Variants in OR9Q2 observed in about 807,000 individuals in gnomAD.
The protein encoded by OR9Q2 is olfactory receptor 9Q2.
In OR9Q2, 2 loss-of-function variants were observed where a neutral mutation model predicts 2.3. The observed-to-expected ratio is 0.85, with a 90% CI of 0.35 to 2.68. The LOEUF is 2.68. Ranked by LOEUF, OR9Q2 falls within the 30% of genes most tolerant of loss-of-function variation. The pLI is 0.10. For synonymous variants in OR9Q2, 178 were observed against 158.6 expected (o/e 1.12, Z -0.92); for missense variants, 404 against 395.7 (o/e 1.02, Z -0.18).
In OR9Q2 at chr11:58,190,974, A is replaced by G. The variant is rs1204682699; in HGVS notation, c.484A>G (p.Thr162Ala). 2.5e-6 allele frequency: 4 copies of G among 1,614,106 alleles called. No individual in the cohort carries two copies. The highest frequency in any genetic ancestry group is 1.1e-5 in the South Asian group (1 of 91,088). ...TTTCAGTGCCTTTGTTCGAACGGTC[A>G]CAGCCTTCACTCTCTCCTTTTGTGG... is the stretch of plus-strand genomic sequence containing the variant. ...GFFSAFVRTV[T>A]AFTLSFCGNN... Residue 162 changes from threonine (T) to alanine (A), a missense_variant, in exon 2 of 2, where the codon ACA becomes GCA. Coordinates refer to ENST00000641291, the MANE Select transcript of OR9Q2 (RefSeq NM_001005283.3).
chr11:58,190,547 A>G lies in OR9Q2; in HGVS notation c.57A>G (p.Glu19=). The G allele has an allele frequency of 4.3e-6, 7 of 1,614,116 alleles. No homozygotes were observed. The highest frequency in any genetic ancestry group is 1.3e-5 in the African/African-American group (1 of 75,020). ...VTEFFLTAFT[E]HLQWRVPLFL... is the part of the protein sequence containing the mutation. ...AGTTCTTCCTTACTGCATTTACTGAACATCTCCAGTGGAGGGTTCCTCTCT... is the reference window on the plus strand; with the variant it reads ...AGTTCTTCCTTACTGCATTTACTGAGCATCTCCAGTGGAGGGTTCCTCTCT... Residue 19 remains glutamate (E), a synonymous_variant, in exon 2 of 2, where the codon GAA becomes GAG. Transcript: ENST00000641291.
Position 58,190,602 on chromosome 11 carries a change from A to G in OR9Q2, c.112A>G (p.Thr38Ala). Residue 38 changes from threonine (T) to alanine (A), a missense_variant, in exon 2 of 2, where the codon ACT (threonine) becomes GCT (alanine). Physicochemically the swap from Thr to Ala is moderately conservative, Grantham distance 58. Transcript: ENST00000641291. ...FLIFLSFYLA[T>A]MLGNTGMILL... The stretch of plus-strand genomic sequence containing the variant: ...CATATTTTTGAGTTTCTATCTTGCC[A>G]CTATGTTAGGGAACACAGGCATGAT... 1 of 1,614,070 alleles carries G rather than the reference A, an allele frequency of 6.2e-7. No homozygotes were observed. The highest frequency in any genetic ancestry group is 8.5e-7 in the Non-Finnish European group (1 of 1,179,998).
rs142991971 is a variant in OR9Q2 at position 58,190,755 on chromosome 11, G to C, written c.265G>C (p.Gly89Arg). The change falls in exon 2 of 2, where the codon GGC becomes CGC. Residue 89 changes from glycine (G) to arginine (R), a missense_variant. By Grantham distance (125) the Gly-to-Arg change is moderately radical. Transcript: ENST00000641291. ...PQMLAVLWEHGTTISQARCAA... is the reference protein window; with the variant it reads ...PQMLAVLWEHRTTISQARCAA... ...GATGCTGGCTGTGCTGTGGGAGCAC[G>C]GCACAACCATCTCCCAGGCTCGCTG... 6 of 1,614,108 alleles carry C rather than the reference G, an allele frequency of 3.7e-6. No individual in the cohort carries two copies. Among genetic ancestry groups the C allele is most frequent in the African/African-American group, 1.3e-5 (1 of 75,012 alleles).
chr11:58,190,756 G>A lies in OR9Q2; in HGVS notation c.266G>A (p.Gly89Asp), dbSNP rs769277971. 6.8e-6 allele frequency: 11 copies of A among 1,614,036 alleles called. No homozygotes were observed. In the South Asian group the frequency reaches 9.9e-5, roughly 14 times the overall value. The change falls in exon 2 of 2, where the codon GGC becomes GAC. Residue 89 changes from glycine to aspartate, a missense_variant. By Grantham distance (94) the Gly-to-Asp change is moderately conservative (BLOSUM62 -1). Transcript: ENST00000641291. ...PQMLAVLWEH[G>D]TTISQARCAA... ...ATGCTGGCTGTGCTGTGGGAGCACGGCACAACCATCTCCCAGGCTCGCTGT... is the reference window on the plus strand; with the variant it reads ...ATGCTGGCTGTGCTGTGGGAGCACGACACAACCATCTCCCAGGCTCGCTGT...
chr11:58,191,332 T>A lies in OR9Q2; in HGVS notation c.842T>A (p.Val281Glu). Residue 281 changes from valine (V) to glutamate (E), a missense_variant, in exon 2 of 2, where the codon GTG becomes GAG. Val to Glu is a moderately radical substitution (Grantham distance 121). Coordinates refer to ENST00000641291, the MANE Select transcript of OR9Q2 (RefSeq NM_001005283.3). ...GTGGTGTCTGTGCTCTACACGGTGG[T>A]GACCCCAATGCTGAATCCCCTTATC... The part of the protein sequence containing the change: ...DRVVSVLYTV[V>E]TPMLNPLIYS... The A allele has an allele frequency of 6.2e-7, 1 of 1,614,114 alleles. No homozygotes were observed. Among genetic ancestry groups the A allele is most frequent in the Non-Finnish European group, 8.5e-7 (1 of 1,180,016 alleles).
At chr11:58,190,201 C>G (rs2120002868) in intron 1 of OR9Q2, 118 bp from the exon 2 acceptor site, 1 of 380,842 alleles carries the variant, frequency 2.6e-6, no homozygotes, top group South Asian at 5.2e-5. Context: ...TGTGTAAGAT[C>G]AAACAGCTAA....
chr11:58,191,116 C>A lies in OR9Q2; in HGVS notation c.626C>A (p.Ala209Asp). Residue 209 changes from alanine to aspartate, a missense_variant, in exon 2 of 2, where the codon GCC becomes GAC. Physicochemically the swap from Ala to Asp is moderately radical, Grantham distance 126. Coordinates refer to ENST00000641291, the MANE Select transcript of OR9Q2 (RefSeq NM_001005283.3). ...IIVFALFVMPACILVILVSYL... is the reference protein window; with the variant it reads ...IIVFALFVMPDCILVILVSYL... ...GTGTTTGCTCTTTTCGTCATGCCTG[C>A]CTGTATCTTGGTGATCTTGGTATCC... 6.2e-7 allele frequency: 1 copy of A among 1,614,204 alleles called. No individual in the cohort carries two copies. Among genetic ancestry groups the A allele is most frequent in the Non-Finnish European group, 8.5e-7 (1 of 1,180,048 alleles).
rs1001125231 is a variant in OR9Q2 at position 58,191,424 on chromosome 11, A to G, written c.934A>G (p.Arg312Gly). Residue 312 changes from arginine to glycine, a missense_variant, in exon 2 of 2, where the codon AGA (arginine) becomes GGA (glycine). Arg to Gly is a moderately radical substitution (Grantham distance 125). Transcript: ENST00000641291. ...AGCCCTGAGCAAATCAAAGCCTGCT[A>G]GAAGACCCTAAATGGACCCTTGTGA... is the stretch of plus-strand genomic sequence containing the variant. ...RKALSKSKPA[R>G]RP 4 of 1,594,266 alleles carry G rather than the reference A, an allele frequency of 2.5e-6. No individual in the cohort carries two copies. The highest frequency in any genetic ancestry group is 2.7e-5 in the African/African-American group (2 of 73,898).
rs1336332686 is a variant in OR9Q2, at chr11:58,190,580, A to G, written c.90A>G (p.Ile30Met). ...HLQWRVPLFL[I>M]FLSFYLATML... Reference sequence around the variant, plus strand: ...AGTGGAGGGTTCCTCTCTTCCTCATATTTTTGAGTTTCTATCTTGCCACTA... The same window carrying G: ...AGTGGAGGGTTCCTCTCTTCCTCATGTTTTTGAGTTTCTATCTTGCCACTA... The change falls in exon 2 of 2, where the codon ATA becomes ATG. Residue 30 changes from isoleucine (I) to methionine (M), a missense_variant. Coordinates refer to ENST00000641291, the MANE Select transcript of OR9Q2 (RefSeq NM_001005283.3). 6.2e-7 allele frequency: 1 copy of G among 1,613,842 alleles called. No homozygotes were observed. Among genetic ancestry groups the G allele is most frequent in the Non-Finnish European group, 8.5e-7 (1 of 1,179,992 alleles).
intron 1 of OR9Q2, among the ~76,000 whole-genome samples, chr11:58,189,384 T>G (rs1267891208): frequency 6.6e-6 from 1 of 152,154 alleles, no homozygotes; most frequent in African/African-American, 2.4e-5. Flanking sequence ...TCCTTTGGCT[T>G]GGCAGGTGAT....
Position 58,190,437 on chromosome 11 carries a change from G to C in OR9Q2, c.-54G>C, listed in dbSNP as rs531555624. On this transcript the variant is annotated 5_prime_UTR_variant, in exon 2 of 2. Coordinates refer to ENST00000641291, the MANE Select transcript of OR9Q2 (RefSeq NM_001005283.3). The stretch of plus-strand genomic sequence containing the variant: ...TTGAAATCATTTGAACTCCTCTTGA[G>C]CTGTCCCCTCATCTGGCTCTTGTCT... 15 of 1,227,790 alleles carry C rather than the reference G, an allele frequency of 1.2e-5. No individual in the cohort carries two copies. Among genetic ancestry groups the C allele is most frequent in the Non-Finnish European group, 1.7e-5 (14 of 843,358 alleles). The allele number at this position is 1,227,790 out of a possible 1,614,324, so 76.1% of individuals were successfully genotyped here. A position where few individuals can be genotyped will look rare whatever the true frequency, so the allele number is the denominator to read the frequency against.
Position 58,191,482 on chromosome 11 carries a change from T to C in OR9Q2, c.*47T>C. 1.4e-6 allele frequency: 2 copies of C among 1,385,100 alleles called. No individual in the cohort carries two copies. Among genetic ancestry groups the C allele is most frequent in the Non-Finnish European group, 2.0e-6 (2 of 1,014,818 alleles). 85.8% of individuals were successfully genotyped at this position (1,385,100 alleles called of 1,614,324 possible). A position where few individuals can be genotyped will look rare whatever the true frequency, so the allele number is the denominator to read the frequency against. On this transcript the variant is annotated 3_prime_UTR_variant, in exon 2 of 2. Coordinates refer to ENST00000641291, the MANE Select transcript of OR9Q2 (RefSeq NM_001005283.3). ...CATTCCTTAGTTTCCCCATCTTTTC[T>C]GTCTTTTCTCAATAGCACCTTCTGG...
rs1590633498 is a variant in OR9Q2 at position 58,191,221 on chromosome 11, A to G, written c.731A>G (p.His244Arg). The change falls in exon 2 of 2, where the codon CAC becomes CGC. Residue 244 changes from histidine to arginine, a missense_variant. His to Arg is a conservative substitution (Grantham distance 29). Transcript: ENST00000641291. ...AAGACCTTCTCCACCTGCGCCTCCC[A>G]CCTCACTGCCGTCGCTCTTTTCTTT... Reference protein sequence around the residue: ...RAKTFSTCASHLTAVALFFGT... With the variant: ...RAKTFSTCASRLTAVALFFGT... The G allele has an allele frequency of 6.2e-7, 1 of 1,613,538 alleles. No homozygotes were observed. The highest frequency in any genetic ancestry group is 1.1e-5 in the South Asian group (1 of 91,036).
At chr11:58,189,938 G>C (rs1854742205) in intron 1 of OR9Q2, among the ~76,000 whole-genome samples, 2 of 152,136 alleles carry the variant, frequency 1.3e-5, no homozygotes, top group African/African-American at 4.8e-5. Flanking sequence ...ATTCCTACAA[G>C]CAGAGCCCAT....
At position 58,190,855 on chromosome 11, in the gene OR9Q2, G is replaced by T. The variant is rs777177506; in HGVS notation, c.365G>T (p.Arg122Leu). 2 of 1,614,018 alleles carry T rather than the reference G, an allele frequency of 1.2e-6. No homozygotes were observed. Among genetic ancestry groups the T allele is most frequent in the African/African-American group, 1.3e-5 (1 of 74,902 alleles). ...CTTCTGGCCATCATGGCCTATGACCGCTACACGGCCGTGTGCCAGCCCCTG... is the reference window on the plus strand; with the variant it reads ...CTTCTGGCCATCATGGCCTATGACCTCTACACGGCCGTGTGCCAGCCCCTG... ...CYLLAIMAYDRYTAVCQPLLY... is the reference protein window; with the variant it reads ...CYLLAIMAYDLYTAVCQPLLY... Residue 122 changes from arginine (R) to leucine (L), a missense_variant, in exon 2 of 2, where the codon CGC becomes CTC. Transcript: ENST00000641291.
At position 58,191,304 on chromosome 11, in the gene OR9Q2, C is replaced by T. The variant is rs757826869; in HGVS notation, c.814C>T (p.Arg272Ter). The change falls in exon 2 of 2, where the codon CGA (arginine) becomes TGA (stop). Residue 272 changes from arginine (R) to a stop codon, truncating the protein, a stop_gained. Coordinates refer to ENST00000641291, the MANE Select transcript of OR9Q2 (RefSeq NM_001005283.3). LOFTEE classifies it high-confidence loss of function. Reference sequence around the variant, plus strand: ...CACAGGCCAGTCCTCCGAGGGAGACCGAGTGGTGTCTGTGCTCTACACGGT... The same window carrying T: ...CACAGGCCAGTCCTCCGAGGGAGACTGAGTGGTGTCTGTGCTCTACACGGT... ...DNTGQSSEGD[R>*]VVSVLYTVVT... The T allele has an allele frequency of 1.2e-6, 2 of 1,613,956 alleles. No homozygotes were observed. The highest frequency in any genetic ancestry group is 1.7e-6 in the Non-Finnish European group (2 of 1,179,996).
At position 58,190,574 on chromosome 11, in the gene OR9Q2, C is replaced by T; in HGVS notation, c.84C>T (p.Phe28=). ...ATCTCCAGTGGAGGGTTCCTCTCTT[C>T]CTCATATTTTTGAGTTTCTATCTTG... ...TEHLQWRVPL[F]LIFLSFYLAT... Residue 28 remains phenylalanine (F), a synonymous_variant, in exon 2 of 2, where the codon TTC becomes TTT. Transcript: ENST00000641291. The T allele has an allele frequency of 6.2e-7, 1 of 1,614,080 alleles. No homozygotes were observed. Among genetic ancestry groups the T allele is most frequent in the Non-Finnish European group, 8.5e-7 (1 of 1,179,972 alleles).
Position 58,190,805 on chromosome 11 carries a change from C to T in OR9Q2, c.315C>T (p.Thr105=). 4 of 1,614,216 alleles carry T rather than the reference C, an allele frequency of 2.5e-6. No homozygotes were observed. The highest frequency in any genetic ancestry group is 2.2e-5 in the South Asian group (2 of 91,082). ...GTGCAGCTCAGTTCTTCCTCTTCAC[C>T]TTCTTTGCCTCCATCGACTGCTACC... ...ARCAAQFFLF[T]FFASIDCYLL... is the part of the protein sequence containing the mutation. Residue 105 remains threonine (T), a synonymous_variant, in exon 2 of 2, where the codon ACC becomes ACT. Transcript: ENST00000641291.
rs1854774322 is a variant in OR9Q2 at position 58,192,486 on chromosome 11, G to A, written c.*1051G>A. On this transcript the variant is annotated 3_prime_UTR_variant, in exon 2 of 2. Transcript: ENST00000641291. ...TTTCCTTTTATCTGGTGAAGAAAAG[G>A]TAAAAGTCCAATCTGTTGGTGTAGA... The A allele has an allele frequency of 6.6e-6, 1 of 152,098 alleles. No individual in the cohort carries two copies. The allele number at this position is 152,098 out of a possible 1,614,324, so 9.4% of individuals were successfully genotyped here. A position where few individuals can be genotyped will look rare whatever the true frequency, so the allele number is the denominator to read the frequency against.
Sources: allele counts gnomAD v4.1 joint callset (sites outside exome capture counted in the v4.1 genomes callset), GRCh38; gene constraint gnomAD v4.1.1; transcripts MANE v1.5; gene names NCBI Gene and HGNC (gene_info 2026-07-23, HGNC 2026-07-21).